Variants in SYNE1 observed in about 807,000 individuals in gnomAD.
SYNE1 encodes nesprin-1.
Under a neutral mutation model 1,111.0 loss-of-function variants are expected in SYNE1, and 616 were observed. The observed-to-expected ratio is 0.55, with a 90% CI of 0.52 to 0.59. SYNE1 has a LOEUF of 0.59. SYNE1 is among the 20% of genes least tolerant of loss of function. SYNE1 has a pLI of 0.00. For synonymous variants in SYNE1, 3,855 were observed against 3,825.8 expected (o/e 1.01, Z -0.28); for missense variants, 10,006 against 10,417.0 (o/e 0.96, Z 1.72).
rs375847633 is a variant in SYNE1 at position 152,540,040 on chromosome 6, C to A, written c.68-19G>T. 6.2e-6 allele frequency: 10 copies of A among 1,610,788 alleles called. No homozygotes were observed. In the African/African-American group the frequency reaches 6.7e-5, roughly 11 times the overall value. On this transcript the variant is annotated intron_variant, in intron 3 of 145. Coordinates refer to ENST00000367255, the MANE Select transcript of SYNE1 (RefSeq NM_182961.4). ...TGCTCATCTAGAAGGAAAAAGAAATCTGGTTAAATAATGTAATATTTCATG... is the reference window on the plus strand; with the variant it reads ...TGCTCATCTAGAAGGAAAAAGAAATATGGTTAAATAATGTAATATTTCATG...
In SYNE1 at chr6:152,381,076, G is replaced by A; in HGVS notation, c.8939C>T (p.Ala2980Val). ...EQFSALLKTW[A>V]QQLTLLEGKN... ...GCCTTCCAGGAGGGTTAACTGCTGAGCCCAGGTTTTCAGAAGGGCACTGAA... is the reference window on the plus strand; with the variant it reads ...GCCTTCCAGGAGGGTTAACTGCTGAACCCAGGTTTTCAGAAGGGCACTGAA... The change falls in exon 56 of 146, where the codon GCT becomes GTT. Residue 2980 changes from alanine to valine, a missense_variant. Coordinates refer to ENST00000367255, the MANE Select transcript of SYNE1 (RefSeq NM_182961.4). 4 of 1,614,154 alleles carry A rather than the reference G, an allele frequency of 2.5e-6. No homozygotes were observed. The highest frequency in any genetic ancestry group is 3.4e-6 in the Non-Finnish European group (4 of 1,180,000).
chr6:152,328,898 G>T (rs965366710), intron 78 of SYNE1, among the ~76,000 whole-genome samples: 43 of 152,312 alleles, frequency 2.8e-4, no homozygotes, highest in African/African-American at 1.0e-3. Context: ...CATCCCCACA[G>T]AGGGGGTGAA....
intron 107 of SYNE1, 26 bp from the exon 108 acceptor site, chr6:152,239,732 T>A (rs1168009513): frequency 1.9e-6 from 3 of 1,613,692 alleles, no homozygotes; most frequent in South Asian, 2.2e-5. Flanking sequence ...AAGAAAGAAG[T>A]CAGCAACTCA....
intron 36 of SYNE1, among the ~76,000 whole-genome samples, 186 bp from the exon 37 acceptor site, chr6:152,428,578 G>A (rs2098396727): frequency 6.6e-6 from 1 of 151,960 alleles, no homozygotes; most frequent in Non-Finnish European, 1.5e-5. Context: ...ATTAGTAGGG[G>A]GACTATAGGT....
chr6:152,407,043 T>G lies in SYNE1; in HGVS notation c.6694A>C (p.Arg2232=). 1 of 1,614,000 alleles carries G rather than the reference T, an allele frequency of 6.2e-7. No individual in the cohort carries two copies. The highest frequency in any genetic ancestry group is 8.5e-7 in the Non-Finnish European group (1 of 1,179,998). Residue 2232 remains arginine (R), a synonymous_variant, in exon 45 of 146, where the codon AGA becomes CGA. Coordinates refer to ENST00000367255, the MANE Select transcript of SYNE1 (RefSeq NM_182961.4). The part of the protein sequence containing the change: ...ENISNLDNHL[R]AEELLKEFES... ...AATTCTTTAAGCAGTTCTTCAGCTC[T>G]GAGGTGGTTATCCAGGTTGCTGATG...
At position 152,303,098 on chromosome 6, in the gene SYNE1, C is replaced by CTT. The variant is rs71017533; in HGVS notation, c.17347-1037_17347-1036dup. 3.7e-3 allele frequency among the ~76,000 whole-genome samples: 398 copies of CTT among 107,036 alleles called. 3 individuals carry two copies. The highest frequency in any genetic ancestry group is 5.9e-3 in the Non-Finnish European group (325 of 55,210). The allele number at this position is 107,036 out of a possible 152,430, so 70.2% of individuals were successfully genotyped here. On this transcript the variant is annotated intron_variant, in intron 91 of 145. Transcript: ENST00000367255. Reference sequence around the variant, plus strand: ...TTCCTAAAAGTACAAAACTATTATTCTTTTTTTTTTTTTTTTTTTGGCTTC... The same window carrying CTT: ...TTCCTAAAAGTACAAAACTATTATTCTTTTTTTTTTTTTTTTTTTTTGGCTTC...
Position 152,455,559 on chromosome 6 carries a change from T to G in SYNE1, c.2759A>C (p.Lys920Thr). The stretch of plus-strand genomic sequence containing the variant: ...CAAGCGACTGTTGGTTTCCACATGC[T>G]TCTTCCAATCTCCAGTTTTCTTTAC... ...SMVKKTGDWK[K>T]HVETNSRLMK... The change falls in exon 24 of 146, where the codon AAG becomes ACG. Residue 920 changes from lysine to threonine, a missense_variant. Around this residue, in one of 7 missense-constraint regions of SYNE1, gnomAD observed 1,971 missense variants for 2,084.1 expected, o/e 0.95. Coordinates refer to ENST00000367255, the MANE Select transcript of SYNE1 (RefSeq NM_182961.4). The G allele has an allele frequency of 6.2e-7, 1 of 1,614,172 alleles. No homozygotes were observed. The highest frequency in any genetic ancestry group is 8.5e-7 in the Non-Finnish European group (1 of 1,179,996).
At chr6:152,286,519 T>A (rs1432556419) in intron 95 of SYNE1, among the ~76,000 whole-genome samples, 2 of 152,358 alleles carry the variant, frequency 1.3e-5, no homozygotes, top group East Asian at 3.9e-4. Flanking sequence ...GTTTTCACTT[T>A]AAGTTTTTCT....
At chr6:152,595,307 T>G (rs1485810363) in intron 3 of SYNE1, among the ~76,000 whole-genome samples, 1 of 152,374 alleles carries the variant, frequency 6.6e-6, no homozygotes, top group Middle Eastern at 3.4e-3. Flanking sequence ...CTCCACTGGA[T>G]GTGAACTTTT....
chr6:152,182,614 C>G (rs1260375394), intron 128 of SYNE1, among the ~76,000 whole-genome samples: 5 of 152,122 alleles, frequency 3.3e-5, no homozygotes, highest in African/African-American at 1.2e-4. Context: ...GAAAATATTT[C>G]TAAGGTATTA....
At position 152,373,136 on chromosome 6, in the gene SYNE1, G is replaced by A; in HGVS notation, c.9408C>T (p.Thr3136=). Residue 3136 remains threonine, a synonymous_variant, in exon 59 of 146, where the codon ACC becomes ACT. Coordinates refer to ENST00000367255, the MANE Select transcript of SYNE1 (RefSeq NM_182961.4). ...SKGELLSTLL[T]KEKAKGIQAK... is the part of the protein sequence containing the mutation. Reference sequence around the variant, plus strand: ...CCTGGATCCCTTTCGCTTTCTCTTTGGTCAGCAGGGTACTCAGAAGTTCCC... The same window carrying A: ...CCTGGATCCCTTTCGCTTTCTCTTTAGTCAGCAGGGTACTCAGAAGTTCCC... 1 of 1,613,880 alleles carries A rather than the reference G, an allele frequency of 6.2e-7. No homozygotes were observed. The highest frequency in any genetic ancestry group is 8.5e-7 in the Non-Finnish European group (1 of 1,180,008).
At chr6:152,350,393 G>T in intron 71 of SYNE1, 58 bp from the exon 72 acceptor site, 1 of 1,610,470 alleles carries the variant, frequency 6.2e-7, no homozygotes. Context: ...ACTCAAAACT[G>T]TTTTGTATTA....
chr6:152,535,245 T>C (rs1447115819), intron 4 of SYNE1, among the ~76,000 whole-genome samples: 18 of 152,244 alleles, frequency 1.2e-4, no homozygotes, highest in Admixed American at 1.2e-3. Flanking sequence ...AACTCTGAGA[T>C]AACAAATTTC....
intron 4 of SYNE1, among the ~76,000 whole-genome samples, chr6:152,534,996 C>A (rs1169783134): frequency 1.1e-4 from 16 of 152,240 alleles, no homozygotes; most frequent in Admixed American, 1.0e-3. Context: ...TGTGCCTACT[C>A]ACCAGAGATA....
intron 145 of SYNE1, chr6:152,129,493 C>T (rs1272541652): frequency 2.6e-5 from 4 of 151,670 alleles, no homozygotes; most frequent in African/African-American, 9.7e-5. Context: ...GGATGCTCGT[C>T]ATTATCTTCA....
chr6:152,333,789 C>T (rs1590293213), intron 77 of SYNE1, among the ~76,000 whole-genome samples: 2 of 152,000 alleles, frequency 1.3e-5, no homozygotes, highest in African/African-American at 4.8e-5. Flanking sequence ...TGCACCACCA[C>T]GCCCGGCTAA....
Position 152,233,898 on chromosome 6 carries a change from C to T in SYNE1, c.20595G>A (p.Gln6865=), listed in dbSNP as rs866491515. 6.2e-7 allele frequency: 1 copy of T among 1,614,166 alleles called. No homozygotes were observed. Among genetic ancestry groups the T allele is most frequent in the East Asian group, 2.2e-5 (1 of 44,874 alleles). ...TGTCCACCTTTTTTAGTCGAAGGAG[C>T]TGATTTCCAGTACTCAGAACAGATG... ...LKSSVLSTGN[Q]LLRLKKVDTA... is the part of the protein sequence containing the mutation. Residue 6865 remains glutamine (Q), a synonymous_variant, in exon 112 of 146, where the codon CAG becomes CAA. Transcript: ENST00000367255.
intron 4 of SYNE1, among the ~76,000 whole-genome samples, chr6:152,530,475 T>G (rs1424840032): frequency 5.9e-5 from 9 of 151,770 alleles, no homozygotes; most frequent in Admixed American, 2.6e-4. Context: ...ATGGTTTTTT[T>G]TTTTTTTTTT....
At position 152,461,699 on chromosome 6, in the gene SYNE1, C is replaced by T; in HGVS notation, c.2292G>A (p.Lys764=). ...TGAGGTGTGCTGTCTTTGTAATTATCTTGTATTGGGCATCCATCACAGGCA... is the reference window on the plus strand; with the variant it reads ...TGAGGTGTGCTGTCTTTGTAATTATTTTGTATTGGGCATCCATCACAGGCA... ...QRVPVMDAQY[K]IITKTAHLIT... is the part of the protein sequence containing the mutation. Residue 764 remains lysine (K), a synonymous_variant, in exon 21 of 146, where the codon AAG becomes AAA. Transcript: ENST00000367255. 6.2e-7 allele frequency: 1 copy of T among 1,613,946 alleles called. No homozygotes were observed. The highest frequency in any genetic ancestry group is 8.5e-7 in the Non-Finnish European group (1 of 1,179,938).
Sources: allele counts gnomAD v4.1 joint callset (sites outside exome capture counted in the v4.1 genomes callset), GRCh38; gene constraint gnomAD v4.1.1; regional missense constraint gnomAD v4.1.1; transcripts MANE v1.5; gene names NCBI Gene and HGNC (gene_info 2026-07-23, HGNC 2026-07-21).